The following CYP17A1 variants were observed in gnomAD, a reference collection of about 807,000 sequenced individuals.
The protein encoded by CYP17A1 is steroid 17-alpha-hydroxylase/17,20 lyase.
CYP17A1 carries 27 observed loss-of-function variants against 38.5 expected under a neutral mutation model. That is an observed-to-expected ratio of 0.70 (90% CI 0.52 to 0.97). The LOEUF (loss-of-function observed/expected upper bound fraction) is 0.97, where lower values mean the gene tolerates loss of function less well. CYP17A1 is among the 50% of genes least tolerant of loss of function. The pLI is 0.00. For missense variants in CYP17A1, 549 were observed against 645.9 expected (o/e 0.85, Z 1.63); for synonymous variants, 263 against 253.3 (o/e 1.04, Z -0.36).
chr10:102,834,581 G>C (rs1844134985), intron 3 of CYP17A1: 2 of 673,002 alleles, frequency 3.0e-6, no homozygotes, highest in East Asian at 5.4e-5. Context: ...ATTATCTGGA[G>C]TACTAAGGTG....
In CYP17A1 at chr10:102,833,689, C is replaced by T. The variant is rs1419947031; in HGVS notation, c.753+347G>A. On this transcript the variant is annotated intron_variant, in intron 4 of 7. Transcript: ENST00000369887. ...CAGGCTGGTCTCGAACTCCCAACCT[C>T]AGGTGATCTGCCCACCTTGGCCTCC... The T allele has an allele frequency of 1.4e-5, 4 of 293,318 alleles. No individual in the cohort carries two copies. The East Asian group carries it at 3.6e-4, about 27-fold the overall frequency. 18.2% of individuals were successfully genotyped at this position (293,318 alleles called of 1,614,324 possible).
At chr10:102,831,175 G>A (rs1844083420) in intron 7 of CYP17A1, among the ~76,000 whole-genome samples, 190 bp from the exon 8 acceptor site, 2 of 152,238 alleles carry the variant, frequency 1.3e-5, no homozygotes, top group Admixed American at 1.3e-4. Flanking sequence ...ACGACACAGA[G>A]GAAATGAAAT....
intron 7 of CYP17A1, 97 bp from the exon 8 acceptor site, chr10:102,831,082 G>A: frequency 2.0e-6 from 1 of 495,778 alleles, no homozygotes; most frequent in Admixed American, 3.2e-5. Context: ...CCTGCCCAGG[G>A]AACCCTGATC....
chr10:102,831,008 G>A (rs1284709000), intron 7 of CYP17A1, 23 bp from the exon 8 acceptor site: 1 of 1,523,898 alleles, frequency 6.6e-7, no homozygotes, highest in Non-Finnish European at 8.9e-7. Flanking sequence ...AGTGGCATCA[G>A]CCAGGGGTTA....
At chr10:102,833,678 A>ACT (rs1844122036) in intron 4 of CYP17A1, 2 of 282,238 alleles carry the variant, frequency 7.1e-6, no homozygotes, top group Non-Finnish European at 1.3e-5. Flanking sequence ...CTGGTCTCGA[A>ACT]CTCCCAACCT....
Position 102,831,535 on chromosome 10 carries a change from A to G in CYP17A1, c.1216T>C (p.Trp406Arg), listed in dbSNP as rs104894143. 1.9e-6 allele frequency: 3 copies of G among 1,613,382 alleles called. No homozygotes were observed. Among genetic ancestry groups the G allele is most frequent in the African/African-American group, 1.3e-5 (1 of 74,690 alleles). ...GGCATGAACTGATCCGGCTGGTGCC[A>G]CTCCTTCTCATTGTGATGCAGCGCC... ...LWALHHNEKE[W>R]HQPDQFMPER... The change falls in exon 7 of 8, where the codon TGG (tryptophan) becomes CGG (arginine). Residue 406 changes from tryptophan to arginine, a missense_variant. Physicochemically the swap from Trp to Arg is moderately radical, Grantham distance 101. This residue lies in a region of CYP17A1 where 257 missense variants were observed against 307.9 expected (regional missense o/e 0.83). Coordinates refer to ENST00000369887, the MANE Select transcript of CYP17A1 (RefSeq NM_000102.4).
chr10:102,833,040 T>A lies in CYP17A1; in HGVS notation c.922A>T (p.Thr308Ser). The A allele has an allele frequency of 6.2e-7, 1 of 1,613,934 alleles. No homozygotes were observed. The highest frequency in any genetic ancestry group is 8.5e-7 in the Non-Finnish European group (1 of 1,179,964). Residue 308 changes from threonine (T) to serine (S), a missense_variant, in exon 5 of 8, where the codon ACC becomes TCC. By Grantham distance (58) the Thr-to-Ser change is moderately conservative. Transcript: ENST00000369887. ...DIFGAGVETT[T>S]SVVKWTLAFL... The stretch of plus-strand genomic sequence containing the variant: ...GCCAGGGTCCATTTAACCACAGAGG[T>A]GGTGGTCTCCACGCCAGCCCCAAAG...
chr10:102,833,236 A>C, intron 4 of CYP17A1, 28 bp from the exon 5 acceptor site: 1 of 1,613,930 alleles, frequency 6.2e-7, no homozygotes, highest in Non-Finnish European at 8.5e-7. Context: ...GGGAGACATT[A>C]ATAAGGAAGG....
rs1315642911 is a variant in CYP17A1 at position 102,832,994 on chromosome 10, T to C, written c.968A>G (p.Gln323Arg). 2 of 1,613,920 alleles carry C rather than the reference T, an allele frequency of 1.2e-6. No individual in the cohort carries two copies. The highest frequency in any genetic ancestry group is 2.7e-5 in the African/African-American group (2 of 74,904). ...AGGATCAATGAGGGGGAAGCACACCTGAGGATTGTGCAGCAGGAAGGCCAG... is the reference window on the plus strand; with the variant it reads ...AGGATCAATGAGGGGGAAGCACACCCGAGGATTGTGCAGCAGGAAGGCCAG... ...WTLAFLLHNP[Q>R]VKKKLYEEID... The change falls in exon 5 of 8, where the codon CAG (glutamine) becomes CGG (arginine). Residue 323 changes from glutamine (Q) to arginine (R), a missense_variant and splice_region_variant. By Grantham distance (43) the Gln-to-Arg change is conservative. Around this residue, in one of 3 missense-constraint regions of CYP17A1, gnomAD observed 257 missense variants for 307.9 expected, o/e 0.83. Transcript: ENST00000369887.
intron 6 of CYP17A1, 51 bp from the exon 7 acceptor site, chr10:102,831,662 C>T: frequency 6.2e-7 from 1 of 1,606,074 alleles, no homozygotes; most frequent in Non-Finnish European, 8.5e-7. Context: ...GTACTCCCTT[C>T]CTTGCTCAGC....
At chr10:102,836,937 C>T (rs1844170007) in intron 1 of CYP17A1, 128 bp downstream of exon 1, 2 of 762,376 alleles carry the variant, frequency 2.6e-6, no homozygotes, top group Admixed American at 3.5e-5. Flanking sequence ...TTCACATCAT[C>T]CCACTAGTCT....
Position 102,837,117 on chromosome 10 carries a change from G to A in CYP17A1, c.245C>T (p.Ala82Val). 1 of 1,606,992 alleles carries A rather than the reference G, an allele frequency of 6.2e-7. No homozygotes were observed. The highest frequency in any genetic ancestry group is 8.5e-7 in the Non-Finnish European group (1 of 1,173,452). Reference protein sequence around the residue: ...TTVIVGHHQLAKEVLIKKGKD... With the variant: ...TTVIVGHHQLVKEVLIKKGKD... ...GCCCTTCTTAATAAGCACCTCCTTGGCCAGCTGGTGGTGGCCGACAATCAC... is the reference window on the plus strand; with the variant it reads ...GCCCTTCTTAATAAGCACCTCCTTGACCAGCTGGTGGTGGCCGACAATCAC... Residue 82 changes from alanine to valine, a missense_variant, in exon 1 of 8, where the codon GCC becomes GTC. This residue lies in a region of CYP17A1 where 289 missense variants were observed against 320.9 expected (regional missense o/e 0.90). Transcript: ENST00000369887.
chr10:102,834,754 G>A (rs1405956542), intron 3 of CYP17A1, 31 bp downstream of exon 3: 2 of 1,614,110 alleles, frequency 1.2e-6, no homozygotes. Context: ...GGGTCTACTA[G>A]AACCTGAAGG....
In CYP17A1 at chr10:102,834,854, C is replaced by T; in HGVS notation, c.597G>A (p.Gln199=). 1 of 1,614,108 alleles carries T rather than the reference C, an allele frequency of 6.2e-7. No homozygotes were observed. The highest frequency in any genetic ancestry group is 8.5e-7 in the Non-Finnish European group (1 of 1,180,032). ...TGTCTATGATGCCTTCATTGTAATT[C>T]TGTATGACATTCAACTCAGGGTCCC... The part of the protein sequence containing the change: ...KNGDPELNVI[Q]NYNEGIIDNL... The change falls in exon 3 of 8, where the codon CAG becomes CAA. Residue 199 remains glutamine, a synonymous_variant. Coordinates refer to ENST00000369887, the MANE Select transcript of CYP17A1 (RefSeq NM_000102.4).
intron 5 of CYP17A1, 130 bp downstream of exon 5, chr10:102,832,863 A>G: frequency 6.6e-7 from 1 of 1,522,282 alleles, no homozygotes; most frequent in Non-Finnish European, 8.9e-7. Context: ...AAAGCCAACT[A>G]CTGCTTGGGT....
In CYP17A1 at chr10:102,837,238, A is replaced by G; in HGVS notation, c.124T>C (p.Phe42Leu). The change falls in exon 1 of 8, where the codon TTC becomes CTC. Residue 42 changes from phenylalanine (F) to leucine (L), a missense_variant. Physicochemically the swap from Phe to Leu is conservative, Grantham distance 22. This residue lies in a region of CYP17A1 where 289 missense variants were observed against 320.9 expected (regional missense o/e 0.90). Coordinates refer to ENST00000369887, the MANE Select transcript of CYP17A1 (RefSeq NM_000102.4). ...LSLPLVGSLPFLPRHGHMHNN... is the reference protein window; with the variant it reads ...LSLPLVGSLPLLPRHGHMHNN... ...TGCATATGGCCGTGTCTGGGGAGGAATGGCAGGCTGCCCACCAGGGGCAGG... is the reference window on the plus strand; with the variant it reads ...TGCATATGGCCGTGTCTGGGGAGGAGTGGCAGGCTGCCCACCAGGGGCAGG... The G allele has an allele frequency of 6.2e-7, 1 of 1,607,728 alleles. No individual in the cohort carries two copies. The highest frequency in any genetic ancestry group is 8.5e-7 in the Non-Finnish European group (1 of 1,174,204).
In CYP17A1 at chr10:102,830,673, G is replaced by A; in HGVS notation, c.*29C>T. 1.5e-6 allele frequency: 2 copies of A among 1,375,026 alleles called. No homozygotes were observed. The highest frequency in any genetic ancestry group is 2.1e-6 in the Non-Finnish European group (2 of 970,538). The allele number at this position is 1,375,026 out of a possible 1,614,324, so 85.2% of individuals were successfully genotyped here. A position where few individuals can be genotyped will look rare whatever the true frequency, so the allele number is the denominator to read the frequency against. On this transcript the variant is annotated 3_prime_UTR_variant, in exon 8 of 8. Coordinates refer to ENST00000369887, the MANE Select transcript of CYP17A1 (RefSeq NM_000102.4). This position sits in a 1 kb window ranked among gnomAD's most constrained non-coding sequence, Gnocchi z 4.1. ...TAAATCTGTGTTGTGGGGCCACATA[G>A]GGTGGACAGGGGCTGTGAGTTACAG...
Position 102,835,403 on chromosome 10 carries a change from C to G in CYP17A1, c.298-11G>C, listed in dbSNP as rs188885755. ...GATGTCTAGAGTTGCCTTTAGAGAG[C>G]AGGCAAGGCTGTAGGAATCTCACAC... On this transcript the variant is annotated splice_polypyrimidine_tract_variant and intron_variant, in intron 1 of 7. Coordinates refer to ENST00000369887, the MANE Select transcript of CYP17A1 (RefSeq NM_000102.4). 4.6e-4 allele frequency: 746 copies of G among 1,608,878 alleles called. 1 individual carries two copies. Among genetic ancestry groups the G allele is most frequent in the Non-Finnish European group, 5.5e-4 (645 of 1,175,156 alleles).
Position 102,832,693 on chromosome 10 carries a change from G to A in CYP17A1, c.970-13C>T, listed in dbSNP as rs1175671685. 2 of 1,574,062 alleles carry A rather than the reference G, an allele frequency of 1.3e-6. No homozygotes were observed. Among genetic ancestry groups the A allele is most frequent in the Non-Finnish European group, 1.7e-6 (2 of 1,143,486 alleles). ...GCTTCTTCTTCACCTGAAGACCAGA[G>A]TAGGTTGGAGGTGACTAGTGTGTGT... On this transcript the variant is annotated splice_polypyrimidine_tract_variant and intron_variant, in intron 5 of 7. Coordinates refer to ENST00000369887, the MANE Select transcript of CYP17A1 (RefSeq NM_000102.4).
Sources: gnomAD v4.1 joint callset for allele counts (sites outside exome capture counted in the v4.1 genomes callset) on GRCh38, gnomAD v4.1.1 for gene constraint, gnomAD v4.1.1 regional missense constraint, Gnocchi (gnomAD v3.1) non-coding constraint, MANE v1.5 for transcripts, NCBI Gene and HGNC (gene_info 2026-07-23, HGNC 2026-07-21) for gene names.